Variants in NBAS observed in about 807,000 individuals in gnomAD.
NBAS encodes the protein NAG/BC035112 fusion.
In NBAS, 219 loss-of-function variants were observed where a neutral mutation model predicts 302.5. That is an observed-to-expected ratio of 0.72 (90% CI 0.65 to 0.81). The LOEUF (loss-of-function observed/expected upper bound fraction) is 0.81. Ranked by LOEUF, NBAS falls within the 30% of genes least tolerant of loss-of-function variation. The pLI is 0.00. For missense variants in NBAS, 2,932 were observed against 2,841.6 expected (o/e 1.03, Z -0.72); for synonymous variants, 1,118 against 1,021.6 (o/e 1.09, Z -1.80).
rs1011449912 is a variant in NBAS at position 15,442,745 on chromosome 2, T to C, written c.2340-14951A>G. 7.2e-4 allele frequency among the ~76,000 whole-genome samples: 109 copies of C among 151,936 alleles called. 1 individual carries two copies. The highest frequency in any genetic ancestry group is 2.5e-3 in the African/African-American group (102 of 41,386). ...TTTTTGAAAGGATCAACAAAATTGA[T>C]AGACCACTAGCAAGACTAATAAAGA... is the stretch of plus-strand genomic sequence containing the variant. On this transcript the variant is annotated intron_variant, in intron 21 of 51. Transcript: ENST00000281513.
At chr2:15,006,081 G>T in the NBAS span, among the ~76,000 whole-genome samples, 1 of 152,142 alleles carries the variant, frequency 6.6e-6, no homozygotes, top group African/African-American at 2.4e-5. Context: ...AAAATACTTT[G>T]TTTTAATAGT....
Position 15,383,207 on chromosome 2 carries a change from A to C in NBAS, c.3360+8T>G. 2 of 1,608,374 alleles carry C rather than the reference A, an allele frequency of 1.2e-6. No homozygotes were observed. Among genetic ancestry groups the C allele is most frequent in the Non-Finnish European group, 1.7e-6 (2 of 1,174,896 alleles). On this transcript the variant is annotated splice_region_variant and intron_variant, in intron 29 of 51. Transcript: ENST00000281513. ...TTAAAAAAAAATCGTATATGGTTCT[A>C]GAGTTACCTCATAGCAGGCATCAGA...
rs187238315 is a variant in NBAS at position 15,310,916 on chromosome 2, T to G, written c.4583-1669A>C. Among the ~76,000 whole-genome samples, 59 of 152,272 alleles carry G rather than the reference T, an allele frequency of 3.9e-4. 1 individual carries two copies. Among genetic ancestry groups the G allele is most frequent in the Admixed American group, 3.5e-3 (54 of 15,298 alleles). ...CCCAGGCATGTTTTAGAACAACAACTACAACAAAATCTATACATATATAAT... is the reference window on the plus strand; with the variant it reads ...CCCAGGCATGTTTTAGAACAACAACGACAACAAAATCTATACATATATAAT... On this transcript the variant is annotated intron_variant, in intron 38 of 51. Transcript: ENST00000281513.
chr2:15,280,920 T>C (rs563832911), intron 42 of NBAS, among the ~76,000 whole-genome samples: 3 of 152,330 alleles, frequency 2.0e-5, no homozygotes, highest in African/African-American at 4.8e-5. Flanking sequence ...ACTTGATCTA[T>C]AATGCAGCCT....
chr2:15,110,862 C>T, the NBAS span, among the ~76,000 whole-genome samples: 36 of 152,088 alleles, frequency 2.4e-4, no homozygotes, highest in African/African-American at 8.4e-4. Context: ...AAACAGAAAT[C>T]GTGAAAACCT....
chr2:15,059,282 G>C, the NBAS span, among the ~76,000 whole-genome samples: 1 of 152,200 alleles, frequency 6.6e-6, no homozygotes, highest in Non-Finnish European at 1.5e-5. Flanking sequence ...CTTAGGGCCT[G>C]GCACCAAACC....
intron 9 of NBAS, among the ~76,000 whole-genome samples, chr2:15,531,761 T>A (rs547482916): frequency 3.9e-5 from 6 of 152,148 alleles, no homozygotes; most frequent in Non-Finnish European, 7.3e-5. Flanking sequence ...TTCCTGCTGA[T>A]AGAATACTCT....
At chr2:15,508,066 T>C (rs1661957591) in intron 10 of NBAS, among the ~76,000 whole-genome samples, 1 of 152,182 alleles carries the variant, frequency 6.6e-6, no homozygotes, top group Non-Finnish European at 1.5e-5. Flanking sequence ...TAACCTCAAA[T>C]TATTGTGAGG....
the NBAS span, among the ~76,000 whole-genome samples, chr2:15,084,715 C>T: frequency 6.6e-6 from 1 of 151,240 alleles, no homozygotes; most frequent in African/African-American, 2.5e-5. Context: ...GAGGAATTCA[C>T]GCTTGCCACT....
intron 35 of NBAS, among the ~76,000 whole-genome samples, chr2:15,350,933 T>C (rs1363126469): frequency 1.3e-5 from 2 of 152,208 alleles, no homozygotes; most frequent in Non-Finnish European, 2.9e-5. Flanking sequence ...TTTGGCATTA[T>C]CTATTTAGGT....
At chr2:14,856,275 T>A in the NBAS span, among the ~76,000 whole-genome samples, 2 of 152,190 alleles carry the variant, frequency 1.3e-5, no homozygotes, top group African/African-American at 4.8e-5. Flanking sequence ...ACAGCTTAGA[T>A]CACAACATCC....
intron 40 of NBAS, among the ~76,000 whole-genome samples, chr2:15,298,919 C>T (rs1670672909): frequency 6.6e-6 from 1 of 152,184 alleles, no homozygotes; most frequent in South Asian, 2.1e-4. Context: ...GAGAGTGACT[C>T]AAGCCACCTG....
chr2:14,818,597 A>T, the NBAS span, among the ~76,000 whole-genome samples: 7 of 152,164 alleles, frequency 4.6e-5, no homozygotes, highest in African/African-American at 1.7e-4. Flanking sequence ...ACTGAGCATA[A>T]AATCTTTACA....
At chr2:15,561,089 C>A in intron 1 of NBAS, 99 bp downstream of exon 1, 2 of 1,023,900 alleles carry the variant, frequency 2.0e-6, no homozygotes, top group Non-Finnish European at 1.5e-6. Flanking sequence ...TAGTCCCCCA[C>A]CCACCCGTCT....
At chr2:15,305,352 C>T (rs1363905189) in intron 40 of NBAS, among the ~76,000 whole-genome samples, 1 of 151,984 alleles carries the variant, frequency 6.6e-6, no homozygotes, top group Non-Finnish European at 1.5e-5. Context: ...CACCTTCCTC[C>T]ATGATTGTAA....
intron 38 of NBAS, among the ~76,000 whole-genome samples, chr2:15,324,655 T>C (rs1344283028): frequency 1.3e-5 from 2 of 152,136 alleles, no homozygotes; most frequent in African/African-American, 2.4e-5. Flanking sequence ...TATAAGCCCG[T>C]TGAAGGCAGG....
At chr2:15,364,426 G>A (rs746104908) in intron 32 of NBAS, among the ~76,000 whole-genome samples, 5 of 152,170 alleles carry the variant, frequency 3.3e-5, no homozygotes, top group Admixed American at 2.6e-4. Flanking sequence ...AGCTACTCGG[G>A]AGGCTAAGGC....
chr2:15,467,925 GA>G, intron 17 of NBAS, 121 bp from the exon 18 acceptor site: 1 of 949,326 alleles, frequency 1.1e-6, no homozygotes, highest in Non-Finnish European at 1.6e-6. Flanking sequence ...GAAAGTATTT[GA>G]AAAAAACTTT....
chr2:14,799,874 C>T, the NBAS span, among the ~76,000 whole-genome samples: 1 of 152,154 alleles, frequency 6.6e-6, no homozygotes, highest in Non-Finnish European at 1.5e-5. Context: ...TATAGTCACT[C>T]CACTCGTCGT....
Sources: gnomAD v4.1 joint callset for allele counts (sites outside exome capture counted in the v4.1 genomes callset) on GRCh38, gnomAD v4.1.1 for gene constraint, MANE v1.5 for transcripts, NCBI Gene and HGNC (gene_info 2026-07-23, HGNC 2026-07-21) for gene names.